The following LEMD3 variants were observed in gnomAD, a reference collection of about 807,000 sequenced individuals.
LEMD3 encodes the protein inner nuclear membrane protein Man1.
A neutral mutation model predicts 95.2 loss-of-function variants in LEMD3; 33 were observed. The ratio of observed to expected loss-of-function variants is 0.35; its 90% CI spans 0.26 to 0.46. LEMD3 has a LOEUF of 0.46. LEMD3 is among the 20% of genes least tolerant of loss of function. The pLI, the probability that LEMD3 is intolerant of heterozygous loss-of-function variation, is 1.00. For missense variants in LEMD3, 1,210 were observed against 1,192.8 expected (o/e 1.01, Z -0.21); for synonymous variants, 525 against 474.6 (o/e 1.11, Z -1.38).
intron 1 of LEMD3, among the ~76,000 whole-genome samples, chr12:65,206,672 C>T (rs950070185): frequency 8.5e-5 from 13 of 152,102 alleles, no homozygotes; most frequent in Admixed American, 7.9e-4. Context: ...ATGGAAATCA[C>T]GGGATACTTT....
Position 65,216,104 on chromosome 12 carries a change from T to A in LEMD3, c.1627+61T>A, listed in dbSNP as rs1037409883. On this transcript the variant is annotated intron_variant, in intron 3 of 12. Transcript: ENST00000308330. ...TTTGAAAAATGTATGTAGCATGTTA[T>A]TAGTAGAAAATATTTTTCCAAGTCC... is the stretch of plus-strand genomic sequence containing the variant. 13 of 1,036,194 alleles carry A rather than the reference T, an allele frequency of 1.3e-5. No individual in the cohort carries two copies. In the African/African-American group the frequency reaches 2.1e-4, roughly 16 times the overall value. 64.2% of individuals were successfully genotyped at this position (1,036,194 alleles called of 1,614,324 possible). A position where few individuals can be genotyped will look rare whatever the true frequency, so the allele number is the denominator to read the frequency against.
Position 65,241,038 on chromosome 12 carries a change from A to G in LEMD3, c.2256A>G (p.Ala752=). The G allele has an allele frequency of 1.2e-6, 2 of 1,614,114 alleles. No individual in the cohort carries two copies. The highest frequency in any genetic ancestry group is 8.5e-7 in the Non-Finnish European group (1 of 1,179,970). Residue 752 remains alanine, a synonymous_variant, in exon 9 of 13, where the codon GCA becomes GCG. Transcript: ENST00000308330. The part of the protein sequence containing the change: ...FLVWRWIQPS[A]SCDKILVIPS... ...TTTGGCGGTGGATCCAGCCTTCTGCATCCTGTGACAAAATATTAGTTATAC... is the reference window on the plus strand; with the variant it reads ...TTTGGCGGTGGATCCAGCCTTCTGCGTCCTGTGACAAAATATTAGTTATAC...
chr12:65,215,735 C>T (rs1224328913), intron 2 of LEMD3, among the ~76,000 whole-genome samples: 1 of 151,984 alleles, frequency 6.6e-6, no homozygotes, highest in South Asian at 2.1e-4. Context: ...TTTTTTTTAG[C>T]ACTAACCTTA....
At chr12:65,234,070 C>A (rs1870706213) in intron 4 of LEMD3, among the ~76,000 whole-genome samples, 1 of 152,124 alleles carries the variant, frequency 6.6e-6, no homozygotes, top group African/African-American at 2.4e-5. Context: ...TTAGTTTCTT[C>A]CTGATTTTTG....
intron 4 of LEMD3, among the ~76,000 whole-genome samples, chr12:65,221,730 ATCTC>A (rs1279823061): frequency 5.7e-5 from 8 of 140,856 alleles, no homozygotes; most frequent in African/African-American, 1.6e-4. Flanking sequence ...TTAGAGGAAA[ATCTC>A]TCTTTTTTTT....
intron 4 of LEMD3, 61 bp downstream of exon 4, chr12:65,218,680 A>G (rs1039360052): frequency 2.1e-6 from 2 of 938,752 alleles, no homozygotes; most frequent in Non-Finnish European, 3.3e-6. Context: ...AATCATTGCT[A>G]CTTGTAAGAA....
intron 1 of LEMD3, among the ~76,000 whole-genome samples, chr12:65,191,604 C>A (rs899743405): frequency 6.6e-6 from 1 of 151,814 alleles, no homozygotes; most frequent in Admixed American, 6.6e-5. Context: ...TCTAGGAATC[C>A]CCTGGAAACT....
intron 4 of LEMD3, among the ~76,000 whole-genome samples, chr12:65,233,149 G>A (rs554760613): frequency 1.4e-4 from 21 of 152,232 alleles, no homozygotes; most frequent in African/African-American, 5.1e-4. Context: ...CTAAACCATA[G>A]AGGGGCTAAT....
chr12:65,172,509 T>G (rs1449893688), intron 1 of LEMD3, among the ~76,000 whole-genome samples: 1 of 152,178 alleles, frequency 6.6e-6, no homozygotes, highest in East Asian at 1.9e-4. Context: ...GTTGCTTAAT[T>G]ACAGGGGTTG....
At position 65,171,006 on chromosome 12, in the gene LEMD3, C is replaced by G. The variant is rs1868531158; in HGVS notation, c.1410C>G (p.Ala470=). 9.3e-6 allele frequency: 15 copies of G among 1,614,078 alleles called. No homozygotes were observed. Among genetic ancestry groups the G allele is most frequent in the Non-Finnish European group, 1.3e-5 (15 of 1,180,054 alleles). Reference sequence around the variant, plus strand: ...TGTCCCCAACAGGGAGTTTCAGTGCCCACTACTTGTCGATGTTTCTCTTAA... The same window carrying G: ...TGTCCCCAACAGGGAGTTTCAGTGCGCACTACTTGTCGATGTTTCTCTTAA... ...EEVSPTGSFS[A]HYLSMFLLTA... is the part of the protein sequence containing the mutation. The change falls in exon 1 of 13, where the codon GCC becomes GCG. Residue 470 remains alanine (A), a synonymous_variant. Coordinates refer to ENST00000308330, the MANE Select transcript of LEMD3 (RefSeq NM_014319.5).
chr12:65,193,675 TAGAG>T (rs750827793), intron 1 of LEMD3, among the ~76,000 whole-genome samples: 53 of 151,238 alleles, frequency 3.5e-4, no homozygotes, highest in Non-Finnish European at 5.3e-4. Flanking sequence ...AACCAATTAT[TAGAG>T]AGACAGTTAA....
intron 1 of LEMD3, chr12:65,171,509 T>A (rs554384583): frequency 7.0e-5 from 17 of 242,562 alleles, no homozygotes; most frequent in African/African-American, 3.3e-4. Flanking sequence ...CCAAATTGAG[T>A]TGTGATTCTA....
chr12:65,207,714 T>C (rs1869806045), intron 1 of LEMD3, among the ~76,000 whole-genome samples: 1 of 152,158 alleles, frequency 6.6e-6, no homozygotes. Context: ...GAATATACTA[T>C]TGCCTGTTTT....
At chr12:65,183,425 A>G (rs1434590728) in intron 1 of LEMD3, among the ~76,000 whole-genome samples, 1 of 152,162 alleles carries the variant, frequency 6.6e-6, no homozygotes, top group African/African-American at 2.4e-5. Context: ...TTATGGAGTT[A>G]TATTATTGGT....
Position 65,170,409 on chromosome 12 carries a change from C to T in LEMD3, c.813C>T (p.Ser271=), listed in dbSNP as rs777964422. 1.9e-6 allele frequency: 3 copies of T among 1,614,072 alleles called. No individual in the cohort carries two copies. Among genetic ancestry groups the T allele is most frequent in the Middle Eastern group, 1.6e-4 (1 of 6,062 alleles). ...SEEEDDDDVA[S]SRQVLKDDSL... Reference sequence around the variant, plus strand: ...AAGAGGACGACGACGACGTGGCCTCCAGCAGACAGGTATTAAAGGACGACT... The same window carrying T: ...AAGAGGACGACGACGACGTGGCCTCTAGCAGACAGGTATTAAAGGACGACT... Residue 271 remains serine (S), a synonymous_variant, in exon 1 of 13, where the codon TCC becomes TCT. Coordinates refer to ENST00000308330, the MANE Select transcript of LEMD3 (RefSeq NM_014319.5).
intron 6 of LEMD3, 55 bp from the exon 7 acceptor site, chr12:65,239,874 T>C (rs2136354548): frequency 8.7e-7 from 1 of 1,150,684 alleles, no homozygotes; most frequent in East Asian, 2.5e-5. Flanking sequence ...CACTGAAATA[T>C]TATTGAATGA....
intron 2 of LEMD3, among the ~76,000 whole-genome samples, chr12:65,212,488 G>C (rs897989227): frequency 7.2e-6 from 1 of 139,336 alleles, no homozygotes; most frequent in Non-Finnish European, 1.5e-5. Flanking sequence ...AGTGAGCCAA[G>C]ATTGTGCCAC....
chr12:65,204,649 T>C (rs919098156), intron 1 of LEMD3, among the ~76,000 whole-genome samples: 12 of 152,190 alleles, frequency 7.9e-5, no homozygotes, highest in African/African-American at 2.9e-4. Flanking sequence ...TATGTGTGCA[T>C]ATATCTTTAT....
In LEMD3 at chr12:65,169,937, G is replaced by T. The variant is rs1166240038; in HGVS notation, c.341G>T (p.Gly114Val). 2.1e-6 allele frequency: 3 copies of T among 1,452,064 alleles called. No individual in the cohort carries two copies. Among genetic ancestry groups the T allele is most frequent in the Non-Finnish European group, 2.7e-6 (3 of 1,110,042 alleles). The allele number at this position is 1,452,064 out of a possible 1,614,324, so 89.9% of individuals were successfully genotyped here. The change falls in exon 1 of 13, where the codon GGC (glycine) becomes GTC (valine). Residue 114 changes from glycine (G) to valine (V), a missense_variant. Gly to Val is a moderately radical substitution (Grantham distance 109, BLOSUM62 -3). This residue lies in a region of LEMD3 where 749 missense variants were observed against 622.9 expected (regional missense o/e 1.20). Transcript: ENST00000308330. ...GGCCTGTGCCGAATCTCGGCCTCTGGCCCAGAGAGCCTCCTGGGAGGGCCC... is the reference window on the plus strand; with the variant it reads ...GGCCTGTGCCGAATCTCGGCCTCTGTCCCAGAGAGCCTCCTGGGAGGGCCC... ...PGGLCRISASGPESLLGGPGG... is the reference protein window; with the variant it reads ...PGGLCRISASVPESLLGGPGG...
Sources: allele counts gnomAD v4.1 joint callset (sites outside exome capture counted in the v4.1 genomes callset), GRCh38; gene constraint gnomAD v4.1.1; regional missense constraint gnomAD v4.1.1; transcripts MANE v1.5; gene names NCBI Gene and HGNC (gene_info 2026-07-23, HGNC 2026-07-21).